ZMIZ1: variants seen among roughly 807,000 people sequenced by gnomAD.
The protein encoded by ZMIZ1 is zinc finger MIZ domain-containing protein 1.
Under a neutral mutation model 113.9 loss-of-function variants are expected in ZMIZ1, and 17 were observed. The observed-to-expected ratio is 0.15, with a 90% CI of 0.10 to 0.22. The LOEUF is 0.22. Among genes scored for constraint, ZMIZ1 ranks in the 10% least tolerant of loss-of-function variants. The pLI, the probability that ZMIZ1 is intolerant of heterozygous loss-of-function variation, is 1.00. For synonymous variants in ZMIZ1, 607 were observed against 603.1 expected (o/e 1.01, Z -0.09); for missense variants, 1,059 against 1,477.8 (o/e 0.72, Z 4.65).
intron 8 of ZMIZ1, among the ~76,000 whole-genome samples, chr10:79,286,165 G>A (rs187752136): frequency 1.5e-3 from 221 of 152,308 alleles, no homozygotes; most frequent in Non-Finnish European, 2.5e-3. Context: ...AAGCAAGTCT[G>A]CAGGTTAAAC....
intron 7 of ZMIZ1, among the ~76,000 whole-genome samples, chr10:79,260,673 C>T (rs544246347): frequency 6.6e-6 from 1 of 152,274 alleles, no homozygotes; most frequent in South Asian, 2.1e-4. Flanking sequence ...AATAGCATTT[C>T]AAAGTGAAGA....
chr10:79,090,853 T>G lies in ZMIZ1; in HGVS notation c.-337+21583T>G, dbSNP rs557552203. On this transcript the variant is annotated intron_variant, in intron 1 of 24. Coordinates refer to ENST00000334512, the MANE Select transcript of ZMIZ1 (RefSeq NM_020338.4). ...ACTGCCCAGCTGGGCCATGCCGGGT[T>G]TGACAGCCTTAGGTCTTGCTGCCTT... 7.2e-5 allele frequency among the ~76,000 whole-genome samples: 11 copies of G among 152,342 alleles called. No homozygotes were observed. The East Asian group carries it at 1.9e-3, about 27-fold the overall frequency.
rs1243431719 is a variant in ZMIZ1 at position 79,069,347 on chromosome 10, G to A, written c.-337+77G>A. ...CTCCCCGGGGACTCTCGGGGTGCAA[G>A]CGTGGGGATTGGGTGCTGGGGTTTT... On this transcript the variant is annotated intron_variant, in intron 1 of 24. Transcript: ENST00000334512. The surrounding 1 kb of genome is among the most constrained non-coding windows in gnomAD (Gnocchi z 4.6). The A allele has an allele frequency of 6.6e-6, 1 of 150,608 alleles. No individual in the cohort carries two copies. Among genetic ancestry groups the A allele is most frequent in the East Asian group, 1.9e-4 (1 of 5,166 alleles). The allele number at this position is 150,608 out of a possible 1,614,324, so 9.3% of individuals were successfully genotyped here.
chr10:79,207,916 G>A (rs571170628), intron 5 of ZMIZ1, among the ~76,000 whole-genome samples: 12 of 151,394 alleles, frequency 7.9e-5, no homozygotes, highest in Non-Finnish European at 1.3e-4. Context: ...GAGAACTCCC[G>A]GAACCCTGCA....
At chr10:79,272,980 G>T (rs1414562830) in intron 7 of ZMIZ1, among the ~76,000 whole-genome samples, 1 of 152,252 alleles carries the variant, frequency 6.6e-6, no homozygotes, top group Non-Finnish European at 1.5e-5. Flanking sequence ...GATGACAGGG[G>T]ATGGGGCTTG....
intron 2 of ZMIZ1, among the ~76,000 whole-genome samples, chr10:79,121,138 C>T (rs892941823): frequency 1.8e-4 from 27 of 152,166 alleles, no homozygotes; most frequent in Admixed American, 5.9e-4. Context: ...AGCTGGGCTT[C>T]GGATCCACGT....
chr10:79,128,273 G>C (rs376337474), intron 2 of ZMIZ1, among the ~76,000 whole-genome samples: 1 of 152,160 alleles, frequency 6.6e-6, no homozygotes, highest in Admixed American at 6.5e-5. Flanking sequence ...CCTCCTTGGA[G>C]TTTTCTAGTA....
intron 1 of ZMIZ1, among the ~76,000 whole-genome samples, chr10:79,083,488 A>C (rs926993949): frequency 6.6e-6 from 1 of 152,206 alleles, no homozygotes; most frequent in African/African-American, 2.4e-5. Flanking sequence ...GAGCCTTATC[A>C]AGTACAGGAA....
rs371464213 is a variant in ZMIZ1, at chr10:79,296,441, G to A, written c.1231-30G>A. Reference sequence around the variant, plus strand: ...ATGTGACGTTGGCAACATTGAACGTGTTTCCCCTCTCCTTTCTCTCCCACC... The same window carrying A: ...ATGTGACGTTGGCAACATTGAACGTATTTCCCCTCTCCTTTCTCTCCCACC... On this transcript the variant is annotated intron_variant, in intron 12 of 24. Transcript: ENST00000334512. The surrounding 1 kb of genome is among the most constrained non-coding windows in gnomAD (Gnocchi z 4.1). 2 of 1,612,286 alleles carry A rather than the reference G, an allele frequency of 1.2e-6. No homozygotes were observed. The highest frequency in any genetic ancestry group is 1.3e-5 in the African/African-American group (1 of 74,798).
intron 3 of ZMIZ1, among the ~76,000 whole-genome samples, chr10:79,158,111 G>A (rs891630267): frequency 6.6e-6 from 1 of 152,152 alleles, no homozygotes; most frequent in Non-Finnish European, 1.5e-5. Context: ...CAATTACCCT[G>A]ATTTGGATGG....
intron 6 of ZMIZ1, among the ~76,000 whole-genome samples, chr10:79,210,861 A>G (rs1848502358): frequency 6.6e-6 from 1 of 152,156 alleles, no homozygotes; most frequent in African/African-American, 2.4e-5. Flanking sequence ...TGGAGGGATC[A>G]TGGAGGGCTT....
chr10:79,093,142 A>G (rs1843039382), intron 1 of ZMIZ1, among the ~76,000 whole-genome samples: 1 of 119,040 alleles, frequency 8.4e-6, no homozygotes, highest in African/African-American at 2.8e-5. Context: ...CCCAACACAC[A>G]CACACACACA....
intron 4 of ZMIZ1, among the ~76,000 whole-genome samples, chr10:79,163,653 A>G (rs926806759): frequency 2.6e-5 from 4 of 152,256 alleles, no homozygotes; most frequent in Non-Finnish European, 4.4e-5. Flanking sequence ...ACCGAGGTCC[A>G]TCAGGATTAA....
intron 5 of ZMIZ1, among the ~76,000 whole-genome samples, chr10:79,204,989 AT>A (rs1848254793): frequency 6.6e-6 from 1 of 152,106 alleles, no homozygotes; most frequent in African/African-American, 2.4e-5. Flanking sequence ...GGATGGATGG[AT>A]GGATGGATAC....
intron 4 of ZMIZ1, among the ~76,000 whole-genome samples, chr10:79,201,263 G>T: frequency 6.6e-6 from 1 of 152,246 alleles, no homozygotes; most frequent in Middle Eastern, 3.4e-3. Context: ...AGCCGAGATC[G>T]CGCCATTGCA....
At chr10:79,126,387 T>C (rs913175966) in intron 2 of ZMIZ1, among the ~76,000 whole-genome samples, 43 of 152,280 alleles carry the variant, frequency 2.8e-4, no homozygotes, top group African/African-American at 1.0e-3. Context: ...ACAGGCAGCA[T>C]GGCATTACCT....
chr10:79,304,506 G>A (rs1300089971), intron 19 of ZMIZ1, among the ~76,000 whole-genome samples: 1 of 152,206 alleles, frequency 6.6e-6, no homozygotes, highest in Non-Finnish European at 1.5e-5. Context: ...CCTCTGTCCA[G>A]GGCCTTGCAT....
intron 7 of ZMIZ1, among the ~76,000 whole-genome samples, chr10:79,262,764 G>C (rs1372278603): frequency 6.6e-6 from 1 of 152,184 alleles, no homozygotes; most frequent in Non-Finnish European, 1.5e-5. Context: ...AATGCACAGG[G>C]ACCCCTGCAG....
intron 7 of ZMIZ1, among the ~76,000 whole-genome samples, chr10:79,246,454 T>C (rs114565061): frequency 0.013 from 1,991 of 152,230 alleles, 44 homozygotes; most frequent in African/African-American, 0.046. Flanking sequence ...CCTTGAGCGA[T>C]GCGGCATGGG....
Sources: allele counts gnomAD v4.1 joint callset (sites outside exome capture counted in the v4.1 genomes callset), GRCh38; gene constraint gnomAD v4.1.1; non-coding constraint Gnocchi (gnomAD v3.1); transcripts MANE v1.5; gene names NCBI Gene and HGNC (gene_info 2026-07-23, HGNC 2026-07-21).